CHODL: variants seen among roughly 807,000 people sequenced by gnomAD.
CHODL encodes the protein transmembrane protein MT75.
A neutral mutation model predicts 34.5 loss-of-function variants in CHODL; 29 were observed. The observed-to-expected ratio is 0.84, with a 90% CI of 0.63 to 1.15. CHODL has a LOEUF of 1.15. Ranked by LOEUF, CHODL falls within the 50% of genes most tolerant of loss-of-function variation. The pLI is 0.00. For synonymous variants in CHODL, 125 were observed against 116.1 expected, an observed-to-expected ratio of 1.08 and a Z score of -0.49; for missense variants, 332 against 332.5, an observed-to-expected ratio of 1.00 and a Z score of 0.01.
intron 1 of CHODL, among the ~76,000 whole-genome samples, chr21:18,010,139 A>C: frequency 6.9e-6 from 1 of 144,942 alleles, no homozygotes; most frequent in African/African-American, 2.5e-5. Flanking sequence ...AAAAAAAAAA[A>C]AAAAAAAAAT....
chr21:18,017,575 A>G (rs968374412), intron 1 of CHODL, among the ~76,000 whole-genome samples: 4 of 152,204 alleles, frequency 2.6e-5, no homozygotes, highest in African/African-American at 4.8e-5. Flanking sequence ...TGCAAGAGTG[A>G]GTGAGGCTTG....
intron 1 of CHODL, among the ~76,000 whole-genome samples, chr21:17,919,643 T>G (rs894004692): frequency 6.6e-6 from 1 of 152,066 alleles, no homozygotes; most frequent in Non-Finnish European, 1.5e-5. Flanking sequence ...CCTGGAGACA[T>G]TTTTCCCACT....
At chr21:18,023,860 A>G (rs929555420) in intron 1 of CHODL, among the ~76,000 whole-genome samples, 1 of 152,180 alleles carries the variant, frequency 6.6e-6, no homozygotes, top group Non-Finnish European at 1.5e-5. Context: ...AAGAATTGCT[A>G]TGGAATATAA....
intron 1 of CHODL, among the ~76,000 whole-genome samples, chr21:17,965,637 A>T (rs545928215): frequency 2.6e-5 from 4 of 152,234 alleles, no homozygotes; most frequent in African/African-American, 9.6e-5. Context: ...CTTATAGATG[A>T]TTTCACGTCA....
intron 1 of CHODL, among the ~76,000 whole-genome samples, chr21:17,936,631 C>T (rs920344209): frequency 6.6e-6 from 1 of 151,936 alleles, no homozygotes; most frequent in Non-Finnish European, 1.5e-5. Flanking sequence ...ATAATAAAAA[C>T]ATATAGGAAT....
At chr21:18,075,180 A>G (rs914798966) in intron 2 of CHODL, among the ~76,000 whole-genome samples, 2 of 152,186 alleles carry the variant, frequency 1.3e-5, no homozygotes, top group Non-Finnish European at 2.9e-5. Flanking sequence ...TTATAACTAC[A>G]TGGACTAAAG....
At chr21:18,224,303 A>G (rs2073911171) in intron 2 of CHODL, among the ~76,000 whole-genome samples, 1 of 152,144 alleles carries the variant, frequency 6.6e-6, no homozygotes. Context: ...GGCTTTTCCA[A>G]GCTGGATGAC....
intron 1 of CHODL, among the ~76,000 whole-genome samples, chr21:18,004,699 A>C (rs1229247702): frequency 6.6e-6 from 1 of 152,190 alleles, no homozygotes; most frequent in African/African-American, 2.4e-5. Context: ...TTACATACCC[A>C]TACACTACTT....
chr21:18,217,171 A>G lies in CHODL; in HGVS notation c.-44-39338A>G, dbSNP rs566539084. On this transcript the variant is annotated intron_variant, in intron 2 of 6. Coordinates refer to the CHODL transcript ENST00000400127. ...CTTTCTTTTGCATATATACTCAGCA[A>G]TGGGGGTGCTGGATCACATGGTAGT... Among the ~76,000 whole-genome samples, 43 of 137,196 alleles carry G rather than the reference A, an allele frequency of 3.1e-4. No individual in the cohort carries two copies. The East Asian group carries it at 3.5e-3, about 11-fold the overall frequency. The allele number at this position is 137,196 out of a possible 152,430, so 90.0% of individuals were successfully genotyped here.
chr21:18,095,953 C>T (rs1688156), intron 2 of CHODL, among the ~76,000 whole-genome samples: 60,471 of 152,006 alleles, frequency 0.4, 13,377 homozygotes, highest in Non-Finnish European at 0.51. Flanking sequence ...AAGTTTAATA[C>T]CCTTTCATGA....
chr21:17,961,881 A>T (rs568034490), intron 1 of CHODL, among the ~76,000 whole-genome samples: 7 of 152,366 alleles, frequency 4.6e-5, no homozygotes, highest in African/African-American at 1.7e-4. Context: ...TTTGGAGAAG[A>T]AAGGGTCTAG....
At chr21:17,957,699 A>G (rs1320153585) in intron 1 of CHODL, among the ~76,000 whole-genome samples, 1 of 151,886 alleles carries the variant, frequency 6.6e-6, no homozygotes, top group Non-Finnish European at 1.5e-5. Context: ...AATAGAGACA[A>G]AGCCACATTA....
intron 2 of CHODL, among the ~76,000 whole-genome samples, chr21:18,123,865 CAGGG>C (rs1311255372): frequency 6.6e-6 from 1 of 152,094 alleles, no homozygotes; most frequent in Non-Finnish European, 1.5e-5. Flanking sequence ...AGCAAGAACG[CAGGG>C]TACCTCACCC....
At chr21:18,103,871 T>A (rs1278279025) in intron 2 of CHODL, among the ~76,000 whole-genome samples, 1 of 152,162 alleles carries the variant, frequency 6.6e-6, no homozygotes, top group Non-Finnish European at 1.5e-5. Flanking sequence ...AAGAGAGATA[T>A]ACAGTCTAAC....
intron 2 of CHODL, among the ~76,000 whole-genome samples, chr21:18,194,986 T>A (rs1269357062): frequency 6.6e-6 from 1 of 152,040 alleles, no homozygotes; most frequent in Non-Finnish European, 1.5e-5. Context: ...CTACTCATTT[T>A]GCAATTTTCA....
intron 2 of CHODL, among the ~76,000 whole-genome samples, chr21:18,190,479 G>C (rs1361779011): frequency 6.6e-6 from 1 of 152,162 alleles, no homozygotes; most frequent in African/African-American, 2.4e-5. Context: ...AAAAGTAAAA[G>C]TGCTGATTAT....
chr21:18,052,385 G>T (rs563029884), intron 2 of CHODL, among the ~76,000 whole-genome samples: 1 of 151,894 alleles, frequency 6.6e-6, no homozygotes. Context: ...TGGAAAGCCT[G>T]GTTCTAACCC....
At chr21:18,207,148 C>T (rs1194088195) in intron 2 of CHODL, among the ~76,000 whole-genome samples, 1 of 152,030 alleles carries the variant, frequency 6.6e-6, no homozygotes, top group Non-Finnish European at 1.5e-5. Flanking sequence ...GGTTTTCTGT[C>T]CTTGTGATAC....
intron 2 of CHODL, among the ~76,000 whole-genome samples, chr21:18,110,673 T>C (rs73894749): frequency 0.05 from 7,608 of 152,216 alleles, 359 homozygotes; most frequent in African/African-American, 0.12. Flanking sequence ...TACTTTAGAA[T>C]GAGAGTGGGA....
Sources: gnomAD v4.1 joint callset for allele counts (sites outside exome capture counted in the v4.1 genomes callset) on GRCh38, gnomAD v4.1.1 for gene constraint, MANE v1.5 for transcripts, NCBI Gene and HGNC (gene_info 2026-07-23, HGNC 2026-07-21) for gene names.